DIAPH3: variants seen among roughly 807,000 people sequenced by gnomAD.
The protein encoded by DIAPH3 is protein diaphanous homolog 3.
DIAPH3 carries 117 observed loss-of-function variants against 144.3 expected under a neutral mutation model. The ratio of observed to expected loss-of-function variants is 0.81; its 90% confidence interval spans 0.70 to 0.95. The LOEUF (loss-of-function observed/expected upper bound fraction) is 0.95. Among genes scored for constraint, DIAPH3 ranks in the 40% least tolerant of loss-of-function variants. The probability of loss-of-function intolerance (pLI) is 0.00; values close to 1 mark genes in which losing one functional copy is unlikely to be tolerated. For synonymous variants in DIAPH3, 519 were observed against 488.9 expected (o/e 1.06, Z -0.81); for missense variants, 1,421 against 1,412.7 (o/e 1.01, Z -0.09).
chr13:59,919,261 T>A (rs1376639530), intron 18 of DIAPH3, among the ~76,000 whole-genome samples: 4 of 152,024 alleles, frequency 2.6e-5, no homozygotes, highest in Admixed American at 2.6e-4. Context: ...TAAAAAGTAA[T>A]AGCAGAAAAC....
intron 18 of DIAPH3, among the ~76,000 whole-genome samples, chr13:59,919,263 G>A (rs1000500564): frequency 1.3e-5 from 2 of 152,046 alleles, no homozygotes; most frequent in African/African-American, 2.4e-5. Flanking sequence ...AAAAGTAATA[G>A]CAGAAAACTT....
intron 27 of DIAPH3, among the ~76,000 whole-genome samples, chr13:59,757,029 G>C (rs7337081): frequency 0.33 from 49,837 of 151,980 alleles, 8,478 homozygotes; most frequent in African/African-American, 0.4. Flanking sequence ...CTCCGTTTCT[G>C]GTTCCTTTGC....
chr13:60,119,080 CCA>C (rs1321573133), intron 2 of DIAPH3, among the ~76,000 whole-genome samples: 1 of 152,126 alleles, frequency 6.6e-6, no homozygotes, highest in East Asian at 1.9e-4. Flanking sequence ...TAAGATGGCC[CCA>C]GTGATCCTGA....
intron 20 of DIAPH3, among the ~76,000 whole-genome samples, chr13:59,900,378 C>T (rs1463262332): frequency 2.6e-5 from 4 of 152,078 alleles, no homozygotes; most frequent in Non-Finnish European, 5.9e-5. Flanking sequence ...TTGTCATGGC[C>T]ACTAGCTTCT....
chr13:59,865,353 T>A (rs893653081), intron 21 of DIAPH3, among the ~76,000 whole-genome samples: 3 of 152,072 alleles, frequency 2.0e-5, no homozygotes, highest in African/African-American at 7.2e-5. Flanking sequence ...TGGAATACAG[T>A]GTTAATTTTG....
At chr13:59,700,983 A>G (rs186128273) in intron 27 of DIAPH3, among the ~76,000 whole-genome samples, 10 of 152,278 alleles carry the variant, frequency 6.6e-5, no homozygotes, top group Admixed American at 5.2e-4. Context: ...TTTCAAGGAT[A>G]TTCATTTTTT....
chr13:59,989,981 T>C (rs1279360994), intron 12 of DIAPH3, among the ~76,000 whole-genome samples: 2 of 151,920 alleles, frequency 1.3e-5, no homozygotes, highest in Non-Finnish European at 2.9e-5. Context: ...AGTTTCAATG[T>C]CATTTTTAAG....
chr13:59,735,247 T>C (rs886748418), intron 27 of DIAPH3, among the ~76,000 whole-genome samples: 6 of 152,292 alleles, frequency 3.9e-5, no homozygotes, highest in African/African-American at 1.4e-4. Flanking sequence ...TATAAAATTA[T>C]TGGCAAAGCT....
At chr13:59,751,367 G>A (rs1180808401) in intron 27 of DIAPH3, among the ~76,000 whole-genome samples, 1 of 152,238 alleles carries the variant, frequency 6.6e-6, no homozygotes, top group Non-Finnish European at 1.5e-5. Flanking sequence ...GGTTCTGGCT[G>A]TTAATAGCCT....
intron 24 of DIAPH3, among the ~76,000 whole-genome samples, chr13:59,826,159 T>C (rs925382485): frequency 3.3e-5 from 5 of 151,624 alleles, no homozygotes; most frequent in African/African-American, 9.7e-5. Context: ...CTATTCAACA[T>C]AGTGTTGGAA....
chr13:60,125,394 A>ATTTTTTTTTTTTTTTTTTTTTT (rs56267083), intron 2 of DIAPH3, among the ~76,000 whole-genome samples: 13 of 97,864 alleles, frequency 1.3e-4, no homozygotes, highest in East Asian at 4.2e-4. Flanking sequence ...CACCCAGCTA[A>ATTTTTTTTTTTTTTTTTTTTTT]TTTTTTTTTT....
At chr13:59,748,587 T>C (rs571421013) in intron 27 of DIAPH3, among the ~76,000 whole-genome samples, 6 of 152,360 alleles carry the variant, frequency 3.9e-5, no homozygotes, top group African/African-American at 1.4e-4. Context: ...ACTTGATTTT[T>C]CTATTTGTAA....
chr13:59,868,303 GAGTA>G (rs2044051448), intron 21 of DIAPH3, among the ~76,000 whole-genome samples: 1 of 152,108 alleles, frequency 6.6e-6, no homozygotes, highest in South Asian at 2.1e-4. Context: ...ACAAAAATTG[GAGTA>G]AGTGCTTAGA....
intron 8 of DIAPH3, among the ~76,000 whole-genome samples, chr13:60,009,265 C>T (rs2053087015): frequency 6.6e-6 from 1 of 152,146 alleles, no homozygotes; most frequent in African/African-American, 2.4e-5. Flanking sequence ...ATCCAGCACA[C>T]TGGAGAAGCT....
At chr13:59,898,741 G>T (rs371393277) in intron 20 of DIAPH3, among the ~76,000 whole-genome samples, 1 of 152,164 alleles carries the variant, frequency 6.6e-6, no homozygotes, top group Non-Finnish European at 1.5e-5. Context: ...ATGAGAAGCC[G>T]ATGAGTACTA....
intron 26 of DIAPH3, 103 bp downstream of exon 26, chr13:59,774,625 G>T: frequency 1.1e-5 from 12 of 1,086,638 alleles, no homozygotes; most frequent in Non-Finnish European, 1.5e-5. Context: ...TGTTGCCCAC[G>T]GCACTGCATT....
At chr13:59,892,819 A>G (rs2045888527) in intron 20 of DIAPH3, among the ~76,000 whole-genome samples, 2 of 152,082 alleles carry the variant, frequency 1.3e-5, no homozygotes, top group Admixed American at 1.3e-4. Flanking sequence ...TGGTCTAAAC[A>G]CTTCAATTAA....
At chr13:59,892,015 A>G (rs1378940597) in intron 20 of DIAPH3, among the ~76,000 whole-genome samples, 1 of 152,026 alleles carries the variant, frequency 6.6e-6, no homozygotes, top group Non-Finnish European at 1.5e-5. Flanking sequence ...AAACAAACAA[A>G]CAAACAAGCA....
At chr13:59,767,661 C>T (rs1452374965) in intron 27 of DIAPH3, among the ~76,000 whole-genome samples, 1 of 152,068 alleles carries the variant, frequency 6.6e-6, no homozygotes, top group Non-Finnish European at 1.5e-5. Context: ...TTATAGTCCA[C>T]TATGGAACAC....
Sources: allele counts gnomAD v4.1 joint callset (sites outside exome capture counted in the v4.1 genomes callset), GRCh38; gene constraint gnomAD v4.1.1; transcripts MANE v1.5; gene names NCBI Gene and HGNC (gene_info 2026-07-23, HGNC 2026-07-21).